The following PRKAA2 variants were observed in gnomAD, a reference collection of about 807,000 sequenced individuals.
The protein encoded by PRKAA2 is 5'-AMP-activated protein kinase catalytic subunit alpha-2.
A neutral mutation model predicts 56.3 loss-of-function variants in PRKAA2; 40 were observed. The ratio of observed to expected loss-of-function variants is 0.71; its 90% CI spans 0.55 to 0.92. The LOEUF is 0.92. PRKAA2 is among the 40% of genes least tolerant of loss of function. PRKAA2 has a pLI of 0.00. For synonymous variants in PRKAA2, 214 were observed against 234.2 expected (o/e 0.91, Z 0.79); for missense variants, 542 against 686.9 (o/e 0.79, Z 2.36).
At chr1:56,704,986 T>C (rs1644322020) in intron 7 of PRKAA2, among the ~76,000 whole-genome samples, 1 of 152,146 alleles carries the variant, frequency 6.6e-6, no homozygotes, top group East Asian at 1.9e-4. Context: ...GAGTACATTT[T>C]CCTTACTCTC....
At chr1:56,686,066 A>G (rs1644188862) in intron 2 of PRKAA2, among the ~76,000 whole-genome samples, 1 of 152,260 alleles carries the variant, frequency 6.6e-6, no homozygotes, top group Non-Finnish European at 1.5e-5. Flanking sequence ...GAAAACATAT[A>G]CTTTTACAAA....
Position 56,711,834 on chromosome 1 carries a change from A to G in PRKAA2, c.*4121A>G, listed in dbSNP as rs544373555. On this transcript the variant is annotated 3_prime_UTR_variant, in exon 9 of 9. Transcript: ENST00000371244. ...TCTGCTTTTCCATATGATTTGTGTTAGTGTTCACTTTTTATATATTTAGAG... is the reference window on the plus strand; with the variant it reads ...TCTGCTTTTCCATATGATTTGTGTTGGTGTTCACTTTTTATATATTTAGAG... 1 of 152,192 alleles carries G rather than the reference A, an allele frequency of 6.6e-6. No individual in the cohort carries two copies. Among genetic ancestry groups the G allele is most frequent in the Non-Finnish European group, 1.5e-5 (1 of 67,992 alleles). The allele number at this position is 152,192 out of a possible 1,614,324, so 9.4% of individuals were successfully genotyped here.
chr1:56,692,850 A>G (rs1644238043), intron 4 of PRKAA2, among the ~76,000 whole-genome samples: 1 of 151,630 alleles, frequency 6.6e-6, no homozygotes, highest in Admixed American at 6.6e-5. Flanking sequence ...ATCTCATGAA[A>G]GTATGGGCAC....
intron 1 of PRKAA2, among the ~76,000 whole-genome samples, chr1:56,656,432 G>C (rs1643942892): frequency 6.6e-6 from 1 of 152,110 alleles, no homozygotes; most frequent in African/African-American, 2.4e-5. Flanking sequence ...AGTATTTATT[G>C]TAAAAATGAC....
In PRKAA2 at chr1:56,704,275, C is replaced by A. The variant is rs903921338; in HGVS notation, c.1093C>A (p.Pro365Thr). Residue 365 changes from proline (P) to threonine (T), a missense_variant, in exon 7 of 9, where the codon CCT becomes ACT. Around this residue, in one of 5 missense-constraint regions of PRKAA2, gnomAD observed 198 missense variants for 234.0 expected, o/e 0.85. Transcript: ENST00000371244. ...CATGCATATTCCCCCAGGCCTGAAA[C>A]CTCATCCAGAAAGGATGCCACCTCT... The part of the protein sequence containing the change: ...SAMHIPPGLK[P>T]HPERMPPLIA... 6.2e-7 allele frequency: 1 copy of A among 1,614,088 alleles called. No individual in the cohort carries two copies. The highest frequency in any genetic ancestry group is 8.5e-7 in the Non-Finnish European group (1 of 1,180,012).
chr1:56,662,631 T>A (rs889066813), intron 1 of PRKAA2, among the ~76,000 whole-genome samples: 2 of 152,176 alleles, frequency 1.3e-5, no homozygotes, highest in Non-Finnish European at 2.9e-5. Context: ...AAGATACTTT[T>A]GTAAGCAATG....
chr1:56,654,648 A>G (rs910867216), intron 1 of PRKAA2, among the ~76,000 whole-genome samples: 1 of 152,202 alleles, frequency 6.6e-6, no homozygotes. Context: ...AATGCGTATG[A>G]AAAGCAATGT....
intron 6 of PRKAA2, among the ~76,000 whole-genome samples, chr1:56,699,675 G>C (rs1307771047): frequency 2.6e-5 from 4 of 152,042 alleles, no homozygotes; most frequent in Non-Finnish European, 5.9e-5. Context: ...TATTCACAAA[G>C]TTCCATAATC....
rs1260296005 is a variant in PRKAA2, at chr1:56,714,370, T to C, written c.*6657T>C. 1 of 152,170 alleles carries C rather than the reference T, an allele frequency of 6.6e-6. No homozygotes were observed. The highest frequency in any genetic ancestry group is 1.5e-5 in the Non-Finnish European group (1 of 68,010). 9.4% of individuals were successfully genotyped at this position (152,170 alleles called of 1,614,324 possible). A position where few individuals can be genotyped will look rare whatever the true frequency, so the allele number is the denominator to read the frequency against. ...GTGTGAGCAACTGTTTGAAAGCCCTTGTTTAAATACAGGGTTTATATCCCC... is the reference window on the plus strand; with the variant it reads ...GTGTGAGCAACTGTTTGAAAGCCCTCGTTTAAATACAGGGTTTATATCCCC... On this transcript the variant is annotated 3_prime_UTR_variant, in exon 9 of 9. Transcript: ENST00000371244.
chr1:56,690,394 C>T (rs749598262), intron 2 of PRKAA2, among the ~76,000 whole-genome samples: 1 of 152,166 alleles, frequency 6.6e-6, no homozygotes, highest in Non-Finnish European at 1.5e-5. Flanking sequence ...TGGTCTCAAT[C>T]TCCTGACCTT....
intron 1 of PRKAA2, among the ~76,000 whole-genome samples, chr1:56,656,202 G>C (rs1273607657): frequency 1.3e-5 from 2 of 152,112 alleles, no homozygotes; most frequent in Non-Finnish European, 2.9e-5. Flanking sequence ...TACCCAGACT[G>C]AAAGATAGAC....
chr1:56,691,713 T>C (rs1644229409), intron 3 of PRKAA2, among the ~76,000 whole-genome samples: 1 of 152,246 alleles, frequency 6.6e-6, no homozygotes, highest in East Asian at 1.9e-4. Flanking sequence ...ATGCGTATGC[T>C]TTTTAAAATC....
intron 2 of PRKAA2, among the ~76,000 whole-genome samples, chr1:56,677,491 C>T (rs1644121461): frequency 6.6e-6 from 1 of 152,184 alleles, no homozygotes; most frequent in African/African-American, 2.4e-5. Context: ...ACCTTGACCT[C>T]ATCACTTTTA....
chr1:56,680,070 G>A (rs1644142367), intron 2 of PRKAA2, among the ~76,000 whole-genome samples: 2 of 152,186 alleles, frequency 1.3e-5, no homozygotes, highest in Admixed American at 1.3e-4. Context: ...CTCAACAGTG[G>A]GCTATTAGTA....
chr1:56,649,630 C>G (rs539980173), intron 1 of PRKAA2, among the ~76,000 whole-genome samples: 1 of 152,104 alleles, frequency 6.6e-6, no homozygotes, highest in Non-Finnish European at 1.5e-5. Context: ...TCTCTCTTGA[C>G]TTTTTTCCTT....
At chr1:56,674,972 A>G (rs1253187954) in intron 2 of PRKAA2, among the ~76,000 whole-genome samples, 3 of 152,110 alleles carry the variant, frequency 2.0e-5, no homozygotes, top group East Asian at 3.8e-4. Context: ...ATTATTTCAC[A>G]TAGTATATTA....
intron 2 of PRKAA2, 80 bp from the exon 3 acceptor site, chr1:56,691,314 A>G (rs947724482): frequency 5.7e-6 from 5 of 882,040 alleles, no homozygotes; most frequent in Non-Finnish European, 7.0e-6. Flanking sequence ...GAAATATAAA[A>G]TTGTAGCAAG....
At chr1:56,689,905 C>G (rs12563356) in intron 2 of PRKAA2, among the ~76,000 whole-genome samples, 2,117 of 115,326 alleles carry the variant, frequency 0.018, 57 homozygotes, top group African/African-American at 0.072. Context: ...CAGACACACA[C>G]ACACACACAC....
At chr1:56,659,100 G>A (rs1643971303) in intron 1 of PRKAA2, among the ~76,000 whole-genome samples, 1 of 151,716 alleles carries the variant, frequency 6.6e-6, no homozygotes, top group Admixed American at 6.6e-5. Flanking sequence ...ACCATGCTTG[G>A]CTGTAAACTG....
Sources: gnomAD v4.1 joint callset for allele counts (sites outside exome capture counted in the v4.1 genomes callset) on GRCh38, gnomAD v4.1.1 for gene constraint, gnomAD v4.1.1 regional missense constraint, MANE v1.5 for transcripts, NCBI Gene and HGNC (gene_info 2026-07-23, HGNC 2026-07-21) for gene names.